Variants in RBFOX2 observed in about 807,000 individuals in gnomAD.
The protein encoded by RBFOX2 is RNA binding fox-1 homolog 2, also known as RNA binding protein fox-1 homolog 2.
A neutral mutation model predicts 49.1 loss-of-function variants in RBFOX2; 10 were observed. That is an observed-to-expected ratio of 0.20 (90% CI 0.13 to 0.35). The LOEUF is 0.35. RBFOX2 is among the 10% of genes least tolerant of loss of function. RBFOX2 has a pLI of 1.00. For missense variants in RBFOX2, 323 were observed against 486.9 expected, an observed-to-expected ratio of 0.66 and a Z score of 3.17; for synonymous variants, 183 against 187.4, an observed-to-expected ratio of 0.98 and a Z score of 0.19.
chr22:35,740,071 C>T (rs1011409201), exon 12 of RBFOX2: 2 of 152,668 alleles, frequency 1.3e-5, no homozygotes. Flanking sequence ...CCTAGTGCAT[C>T]TGATTGAGGA....
intron 1 of RBFOX2, among the ~76,000 whole-genome samples, chr22:35,836,831 T>TA (rs1307792385): frequency 5.9e-5 from 9 of 152,252 alleles, no homozygotes; most frequent in Non-Finnish European, 1.2e-4. Flanking sequence ...TTTTACTAAT[T>TA]AGTGTTGAAG....
chr22:35,940,527 A>G (rs1022225459), upstream of RBFOX2, among the ~76,000 whole-genome samples: 3 of 152,196 alleles, frequency 2.0e-5, no homozygotes, highest in African/African-American at 7.2e-5. Context: ...CTCTGGAAAC[A>G]GTTGGATAGT....
chr22:35,804,013 C>T (rs1950246235), intron 2 of RBFOX2, among the ~76,000 whole-genome samples: 1 of 152,250 alleles, frequency 6.6e-6, no homozygotes, highest in South Asian at 2.1e-4. Flanking sequence ...GGCGCAGTGG[C>T]TCATGCCTGT....
intron 2 of RBFOX2, among the ~76,000 whole-genome samples, chr22:35,805,908 C>T (rs1187289038): frequency 6.6e-6 from 1 of 152,224 alleles, no homozygotes; most frequent in South Asian, 2.1e-4. Context: ...ATTACAACTA[C>T]ATGAAATCCT....
At chr22:36,014,252 A>C (rs1287388244) in intron 1 of RBFOX2, among the ~76,000 whole-genome samples, 1 of 151,796 alleles carries the variant, frequency 6.6e-6, no homozygotes, top group Non-Finnish European at 1.5e-5. Flanking sequence ...CTCTCCGAGT[A>C]GCTGGGACTA....
In RBFOX2 at chr22:35,986,293, C is replaced by A. The variant is rs1244941877; in HGVS notation, c.186+41947G>T. The stretch of plus-strand genomic sequence containing the variant: ...AGACACAGCAGGAATTTGATATGAA[C>A]AGCAGGATGAGGAAGGAGAATGAAT... On this transcript the variant is annotated intron_variant, in intron 1 of 13. Coordinates refer to the RBFOX2 transcript ENST00000438146. 2.0e-5 allele frequency among the ~76,000 whole-genome samples: 3 copies of A among 152,226 alleles called. No individual in the cohort carries two copies. The East Asian group carries it at 5.8e-4, about 29-fold the overall frequency.
chr22:35,914,247 T>G (rs1429081389), intron 1 of RBFOX2, among the ~76,000 whole-genome samples: 1 of 152,206 alleles, frequency 6.6e-6, no homozygotes, highest in Non-Finnish European at 1.5e-5. Flanking sequence ...GCATTTGCCC[T>G]GCAGAGTCAT....
chr22:35,869,417 C>A (rs1297216409), intron 1 of RBFOX2, among the ~76,000 whole-genome samples: 2 of 140,586 alleles, frequency 1.4e-5, no homozygotes, highest in Non-Finnish European at 3.0e-5. Flanking sequence ...CCTCAGCCTC[C>A]CAAAATGCTG....
chr22:35,916,533 C>T (rs879275742), intron 1 of RBFOX2, among the ~76,000 whole-genome samples: 35 of 152,176 alleles, frequency 2.3e-4, no homozygotes, highest in Non-Finnish European at 4.1e-4. Flanking sequence ...CTGCCTGCCT[C>T]GGCCTCCCAA....
At chr22:35,957,672 A>G (rs2055731046) in intron 1 of RBFOX2, among the ~76,000 whole-genome samples, 1 of 152,200 alleles carries the variant, frequency 6.6e-6, no homozygotes, top group African/African-American at 2.4e-5. Context: ...TTCAAGTGAC[A>G]TGTCCAAGGT....
At position 35,887,555 on chromosome 22, in the gene RBFOX2, C is replaced by T. The variant is rs912145246; in HGVS notation, c.-34+51292G>A. Reference sequence around the variant, plus strand: ...CACATACCTCAGCAGGGGCAAGCATCGGCCTTACTCCCCATTACCATATAG... The same window carrying T: ...CACATACCTCAGCAGGGGCAAGCATTGGCCTTACTCCCCATTACCATATAG... On this transcript the variant is annotated intron_variant, in intron 1 of 13. Transcript: ENST00000359369. 5.9e-5 allele frequency among the ~76,000 whole-genome samples: 9 copies of T among 152,142 alleles called. No individual in the cohort carries two copies. In the South Asian group the frequency reaches 6.2e-4, roughly 11 times the overall value.
intron 1 of RBFOX2, among the ~76,000 whole-genome samples, chr22:35,820,504 G>C (rs1002038412): frequency 6.6e-6 from 1 of 152,092 alleles, no homozygotes; most frequent in African/African-American, 2.4e-5. Context: ...CACTCAAAAA[G>C]GGGGAAAATC....
intron 1 of RBFOX2, among the ~76,000 whole-genome samples, chr22:35,881,208 G>A (rs2045842393): frequency 6.6e-6 from 1 of 152,102 alleles, no homozygotes; most frequent in Admixed American, 6.5e-5. Flanking sequence ...AGCTTGCAGT[G>A]AGCCGACGAT....
At chr22:35,909,077 C>A (rs1030479123) in intron 1 of RBFOX2, among the ~76,000 whole-genome samples, 1 of 152,112 alleles carries the variant, frequency 6.6e-6, no homozygotes, top group Non-Finnish European at 1.5e-5. Context: ...CTCCTGACCT[C>A]GTGATCTGCC....
intron 1 of RBFOX2, among the ~76,000 whole-genome samples, chr22:35,885,376 A>C (rs920172200): frequency 6.6e-6 from 1 of 152,230 alleles, no homozygotes; most frequent in African/African-American, 2.4e-5. Flanking sequence ...ATCATTAAGA[A>C]TATTTTATGT....
At chr22:35,952,023 G>A (rs1419969513) in intron 1 of RBFOX2, among the ~76,000 whole-genome samples, 1 of 152,148 alleles carries the variant, frequency 6.6e-6, no homozygotes, top group Non-Finnish European at 1.5e-5. Flanking sequence ...ATCTGTTAAT[G>A]CCTGCTTTCC....
chr22:35,782,061 T>C (rs1376031939), intron 2 of RBFOX2, among the ~76,000 whole-genome samples: 1 of 152,184 alleles, frequency 6.6e-6, no homozygotes, highest in Non-Finnish European at 1.5e-5. Context: ...GATCTGAAGA[T>C]ACAAAAATAG....
intron 9 of RBFOX2, 59 bp downstream of exon 11, chr22:35,756,044 GAA>G: frequency 1.6e-6 from 2 of 1,232,472 alleles, no homozygotes; most frequent in Non-Finnish European, 1.0e-6. Context: ...CAAAGAAACA[GAA>G]AAAAAAAGGC....
chr22:35,825,510 G>T (rs1955471784), intron 1 of RBFOX2, among the ~76,000 whole-genome samples: 1 of 151,908 alleles, frequency 6.6e-6, no homozygotes, highest in African/African-American at 2.4e-5. Flanking sequence ...ATCAAAATGG[G>T]GGCAGGGCCA....
Sources: allele counts gnomAD v4.1 joint callset (sites outside exome capture counted in the v4.1 genomes callset), GRCh38; gene constraint gnomAD v4.1.1; transcripts MANE v1.5; gene names NCBI Gene and HGNC (gene_info 2026-07-23, HGNC 2026-07-21).